Variants in LARP1B observed in about 807,000 individuals in gnomAD.
LARP1B encodes La ribonucleoprotein 1B, also known as la-related protein 1B.
A neutral mutation model predicts 114.2 loss-of-function variants in LARP1B; 76 were observed. That is an observed-to-expected ratio of 0.67 (90% CI 0.55 to 0.81). The LOEUF (loss-of-function observed/expected upper bound fraction) is 0.81, where lower values mean the gene tolerates loss of function less well. LARP1B is among the 30% of genes least tolerant of loss of function. LARP1B has a pLI of 0.00. For synonymous variants in LARP1B, 345 were observed against 348.0 expected (o/e 0.99, Z 0.10); for missense variants, 1,014 against 1,075.8 (o/e 0.94, Z 0.80).
intron 7 of LARP1B, among the ~76,000 whole-genome samples, chr4:128,221,856 T>C (rs1429260792): frequency 6.6e-6 from 1 of 152,168 alleles, no homozygotes; most frequent in Non-Finnish European, 1.5e-5. Context: ...CCCCTCTCAC[T>C]AAGTTACAGT....
intron 12 of LARP1B, among the ~76,000 whole-genome samples, chr4:128,167,765 G>C (rs1445582570): frequency 6.6e-6 from 1 of 152,132 alleles, no homozygotes; most frequent in East Asian, 1.9e-4. Context: ...TGCTCCCTGA[G>C]AATTTTTCCA....
At chr4:128,072,580 A>C (rs1438085589) in intron 1 of LARP1B, among the ~76,000 whole-genome samples, 1 of 150,156 alleles carries the variant, frequency 6.7e-6, no homozygotes, top group African/African-American at 2.5e-5. Flanking sequence ...TTTTTTAATC[A>C]GAGTCTCACT....
intron 4 of LARP1B, among the ~76,000 whole-genome samples, chr4:128,081,425 G>T (rs1196175471): frequency 8.5e-6 from 1 of 117,868 alleles, no homozygotes; most frequent in Non-Finnish European, 1.7e-5. Flanking sequence ...ACTGTTAATT[G>T]TCATTGAAGT....
chr4:128,113,681 A>G (rs1784859421), intron 9 of LARP1B, among the ~76,000 whole-genome samples: 3 of 152,188 alleles, frequency 2.0e-5, no homozygotes, highest in Middle Eastern at 3.4e-3. Flanking sequence ...ATAAACCTAC[A>G]GAAGTGTACT....
At chr4:128,189,294 G>T (rs374403307) in intron 15 of LARP1B, among the ~76,000 whole-genome samples, 92 of 6,562 alleles carry the variant, frequency 0.014, no homozygotes, top group Non-Finnish European at 0.021. Context: ...ACTTTCACTT[G>T]TTCTATTTTG....
intron 18 of LARP1B, 82 bp downstream of exon 18, chr4:128,206,619 GT>G (rs1398144491): frequency 1.2e-5 from 18 of 1,504,850 alleles, no homozygotes; most frequent in East Asian, 1.2e-4. Flanking sequence ...GGAGTTCATA[GT>G]TTTTTTCTTC....
intron 11 of LARP1B, among the ~76,000 whole-genome samples, chr4:128,156,863 TAAAAA>T (rs56753518): frequency 2.5e-5 from 2 of 80,776 alleles, no homozygotes; most frequent in Admixed American, 1.5e-4. Flanking sequence ...GGCTTGAAGC[TAAAAA>T]AAAAAAAAAA....
At chr4:128,171,523 C>T (rs1320632376) in intron 12 of LARP1B, among the ~76,000 whole-genome samples, 2 of 152,126 alleles carry the variant, frequency 1.3e-5, no homozygotes, top group Non-Finnish European at 2.9e-5. Flanking sequence ...GCGTGTTTTA[C>T]TTTCAAGCGT....
chr4:128,186,946 T>G (rs1001325748), intron 15 of LARP1B, among the ~76,000 whole-genome samples: 2 of 152,140 alleles, frequency 1.3e-5, no homozygotes, highest in Non-Finnish European at 2.9e-5. Context: ...CCTTGGCAGG[T>G]TCCATGTGGT....
chr4:128,208,094 G>A (rs1253868045), intron 19 of LARP1B, among the ~76,000 whole-genome samples: 3 of 152,174 alleles, frequency 2.0e-5, no homozygotes, highest in East Asian at 1.9e-4. Flanking sequence ...TTGGGAGGCC[G>A]AGGCGGGTGG....
At position 128,197,680 on chromosome 4, in the gene LARP1B, G is replaced by A. The variant is rs143271866; in HGVS notation, c.2004-1759G>A. On this transcript the variant is annotated intron_variant, in intron 15 of 19. Transcript: ENST00000326639. ...CTGCACTCCAGCCTGGCAACAGAGC[G>A]ACACTCTGTCTCAAAAAAAAGAAAA... 2.4e-3 allele frequency among the ~76,000 whole-genome samples: 358 copies of A among 151,658 alleles called. 3 individuals are homozygous for A. Among genetic ancestry groups the A allele is most frequent in the African/African-American group, 8.2e-3 (338 of 41,322 alleles).
chr4:128,151,678 C>G (rs976668930), intron 11 of LARP1B, among the ~76,000 whole-genome samples: 44 of 152,042 alleles, frequency 2.9e-4, no homozygotes, highest in African/African-American at 1.0e-3. Context: ...TCTCGGCTCA[C>G]TGCAGGCTCT....
At chr4:128,062,008 ACCGCCACCGCCG>A (rs1760310498) in intron 1 of LARP1B, 1 of 984,544 alleles carries the variant, frequency 1.0e-6, no homozygotes, top group South Asian at 4.7e-5. Context: ...GGGAGCCGCC[ACCGCCACCGCCG>A]CCGCCGTCGC....
At chr4:128,135,684 A>G (rs967372294) in intron 11 of LARP1B, among the ~76,000 whole-genome samples, 1 of 152,232 alleles carries the variant, frequency 6.6e-6, no homozygotes, top group Non-Finnish European at 1.5e-5. Context: ...CAGTCGAAGT[A>G]TGTTTCCACT....
intron 16 of LARP1B, 117 bp downstream of exon 16, chr4:128,199,716 A>G (rs1485827734): frequency 1.8e-5 from 8 of 446,928 alleles, no homozygotes; most frequent in Non-Finnish European, 2.2e-5. Flanking sequence ...TAGACTATAC[A>G]TAGTTTTACT....
intron 11 of LARP1B, among the ~76,000 whole-genome samples, chr4:128,130,661 T>C (rs942021762): frequency 2.0e-5 from 3 of 152,222 alleles, no homozygotes; most frequent in African/African-American, 7.2e-5. Context: ...ACTAAACTCT[T>C]ACCAAAGGAT....
At chr4:128,219,159 G>A (rs1229702779) in intron 6 of LARP1B, among the ~76,000 whole-genome samples, 1 of 150,882 alleles carries the variant, frequency 6.6e-6, no homozygotes, top group Non-Finnish European at 1.5e-5. Flanking sequence ...GTGCTGGAGA[G>A]GATGTGGAGA....
intron 5 of LARP1B, among the ~76,000 whole-genome samples, chr4:128,084,660 G>A (rs950258413): frequency 1.3e-5 from 2 of 151,938 alleles, no homozygotes. Context: ...GAGAGGGAGA[G>A]CGGAATTTAT....
chr4:128,062,400 C>T (rs1760533125), intron 1 of LARP1B, among the ~76,000 whole-genome samples: 1 of 152,156 alleles, frequency 6.6e-6, no homozygotes, highest in Non-Finnish European at 1.5e-5. Flanking sequence ...CAGACATGGG[C>T]ATCTGGGAAG....
Sources: gnomAD v4.1 joint callset for allele counts (sites outside exome capture counted in the v4.1 genomes callset) on GRCh38, gnomAD v4.1.1 for gene constraint, MANE v1.5 for transcripts, NCBI Gene and HGNC (gene_info 2026-07-23, HGNC 2026-07-21) for gene names.